The following OXR1 variants were observed in gnomAD, a reference collection of about 807,000 sequenced individuals.
The protein encoded by OXR1 is oxidation resistance 1.
Under a neutral mutation model 104.6 loss-of-function variants are expected in OXR1, and 41 were observed. That is an observed-to-expected ratio of 0.39 (90% CI 0.31 to 0.51). The LOEUF (loss-of-function observed/expected upper bound fraction) is 0.51, where lower values mean the gene tolerates loss of function less well. OXR1 is among the 20% of genes least tolerant of loss of function. OXR1 has a pLI of 0.77. For missense variants in OXR1, 955 were observed against 1,031.9 expected, an observed-to-expected ratio of 0.93 and a Z score of 1.02; for synonymous variants, 348 against 348.4, an observed-to-expected ratio of 1.00 and a Z score of 0.01.
chr8:106,323,115 C>T (rs1001591637), intron 1 of OXR1, among the ~76,000 whole-genome samples: 46 of 152,234 alleles, frequency 3.0e-4, no homozygotes, highest in African/African-American at 1.1e-3. Flanking sequence ...AAGCTGGAGG[C>T]ATCTTTACCA....
intron 3 of OXR1, among the ~76,000 whole-genome samples, chr8:106,570,448 G>A (rs1183489891): frequency 6.6e-5 from 10 of 152,134 alleles, no homozygotes; most frequent in African/African-American, 2.4e-4. Flanking sequence ...CTGAGTGATA[G>A]GGTGAAATTG....
At chr8:106,719,204 T>C (rs1390908088) in intron 11 of OXR1, among the ~76,000 whole-genome samples, 1 of 152,336 alleles carries the variant, frequency 6.6e-6, no homozygotes, top group Middle Eastern at 3.4e-3. Flanking sequence ...TGATACAGAT[T>C]TTTTATGCCT....
Position 106,667,124 on chromosome 8 carries a change from A to G in OXR1, c.221-12086A>G, listed in dbSNP as rs1400612513. On this transcript the variant is annotated intron_variant, in intron 3 of 16. Coordinates refer to ENST00000517566, the MANE Select transcript of OXR1 (RefSeq NM_001198533.2). ...GCAGCATTGATAGCAATGAGTCCCA[A>G]TGCAGGGTACACATTAGAATTCCCT... is the stretch of plus-strand genomic sequence containing the variant. Among the ~76,000 whole-genome samples, 4 of 152,340 alleles carry G rather than the reference A, an allele frequency of 2.6e-5. No homozygotes were observed. In the South Asian group the frequency reaches 6.2e-4, roughly 24 times the overall value.
intron 1 of OXR1, among the ~76,000 whole-genome samples, chr8:106,357,698 C>G (rs369823740): frequency 6.6e-6 from 1 of 151,626 alleles, no homozygotes; most frequent in Non-Finnish European, 1.5e-5. Context: ...TAATAGGGCA[C>G]GAGAAATATT....
chr8:106,740,585 AG>A, intron 14 of OXR1, 90 bp downstream of exon 14: 5 of 1,083,774 alleles, frequency 4.6e-6, no homozygotes, highest in Non-Finnish European at 6.8e-6. Context: ...TTACTTTATT[AG>A]TGCATTTTAT....
intron 11 of OXR1, among the ~76,000 whole-genome samples, chr8:106,718,563 G>A (rs1001908862): frequency 6.6e-6 from 1 of 152,114 alleles, no homozygotes; most frequent in Non-Finnish European, 1.5e-5. Context: ...GTGTGGGTCG[G>A]GCGTGGTGGC....
At chr8:106,360,170 A>T (rs983302372) in intron 2 of OXR1, among the ~76,000 whole-genome samples, 1 of 152,220 alleles carries the variant, frequency 6.6e-6, no homozygotes, top group African/African-American at 2.4e-5. Context: ...GTGCATGTTT[A>T]AAAGCTGTTT....
intron 2 of OXR1, among the ~76,000 whole-genome samples, chr8:106,373,680 C>T (rs1011475230): frequency 1.3e-5 from 2 of 152,186 alleles, no homozygotes; most frequent in Non-Finnish European, 2.9e-5. Context: ...ACCTCGACCT[C>T]CGAGGTTCAA....
chr8:106,314,390 AT>A (rs764686466), intron 1 of OXR1, among the ~76,000 whole-genome samples: 59 of 152,332 alleles, frequency 3.9e-4, no homozygotes, highest in Admixed American at 7.2e-4. Flanking sequence ...AATATTTGAT[AT>A]GTTAATTAGT....
At chr8:106,476,816 C>T (rs1446779248) in intron 2 of OXR1, among the ~76,000 whole-genome samples, 2 of 151,962 alleles carry the variant, frequency 1.3e-5, no homozygotes, top group African/African-American at 4.8e-5. Flanking sequence ...ATTCTTCACC[C>T]TCCTTTTCCT....
intron 2 of OXR1, among the ~76,000 whole-genome samples, chr8:106,369,212 T>G (rs564704752): frequency 1.2e-4 from 19 of 152,288 alleles, no homozygotes; most frequent in Non-Finnish European, 2.5e-4. Context: ...AGAAGTATCT[T>G]TTCATATTCT....
chr8:106,505,794 A>C (rs75477567), intron 2 of OXR1, among the ~76,000 whole-genome samples: 1 of 152,206 alleles, frequency 6.6e-6, no homozygotes, highest in African/African-American at 2.4e-5. Flanking sequence ...GCCCAAGACT[A>C]TCAGGGCACT....
intron 1 of OXR1, among the ~76,000 whole-genome samples, chr8:106,353,321 C>A (rs1172705401): frequency 6.6e-6 from 1 of 151,930 alleles, no homozygotes; most frequent in Non-Finnish European, 1.5e-5. Context: ...TGTACTCCAG[C>A]CTGGGCGACT....
At position 106,751,020 on chromosome 8, in the gene OXR1, A is replaced by G; in HGVS notation, c.*79A>G. ...CATTGTTTGGAAAGTTCAAGAAGCA[A>G]TACAGTGTAACATGTCACTTGTGCT... On this transcript the variant is annotated 3_prime_UTR_variant, in exon 17 of 17. Coordinates refer to ENST00000517566, the MANE Select transcript of OXR1 (RefSeq NM_001198533.2). The G allele has an allele frequency of 9.6e-7, 1 of 1,038,122 alleles. No homozygotes were observed. Among genetic ancestry groups the G allele is most frequent in the Non-Finnish European group, 1.4e-6 (1 of 703,128 alleles). 64.3% of individuals were successfully genotyped at this position (1,038,122 alleles called of 1,614,324 possible).
At chr8:106,569,198 T>C (rs1488737421) in intron 3 of OXR1, among the ~76,000 whole-genome samples, 1 of 152,078 alleles carries the variant, frequency 6.6e-6, no homozygotes, top group African/African-American at 2.4e-5. Flanking sequence ...TGTGTTTTGT[T>C]CCCCCATAAC....
chr8:106,394,876 C>A (rs185399392), intron 2 of OXR1, among the ~76,000 whole-genome samples: 1 of 151,996 alleles, frequency 6.6e-6, no homozygotes, highest in South Asian at 2.1e-4. Flanking sequence ...AACTGTGCAT[C>A]GTGAGTGTGA....
In OXR1 at chr8:106,487,278, C is replaced by CAG. The variant is rs1351349591; in HGVS notation, c.24-31665_24-31664insAG. ...ACCTCAGGTGATCTGCCCGCCTCGGCCTCCCAAAGTTCTGGGATTACAGAT... is the reference window on the plus strand; with the variant it reads ...ACCTCAGGTGATCTGCCCGCCTCGGCAGCTCCCAAAGTTCTGGGATTACAGAT... On this transcript the variant is annotated intron_variant, in intron 2 of 16. Coordinates refer to ENST00000517566, the MANE Select transcript of OXR1 (RefSeq NM_001198533.2). Among the ~76,000 whole-genome samples, 3 of 151,576 alleles carry CAG rather than the reference C, an allele frequency of 2.0e-5. No individual in the cohort carries two copies. In the East Asian group the frequency reaches 5.8e-4, roughly 29 times the overall value.
rs564517962 is a variant in OXR1, at chr8:106,374,936, T to C, written c.23+15300T>C. On this transcript the variant is annotated intron_variant, in intron 2 of 16. Coordinates refer to ENST00000517566, the MANE Select transcript of OXR1 (RefSeq NM_001198533.2). ...CTAGCCTCATAGACTCCCGCTGTAATTGAAAATTGGTTTTGCTCCAACAAT... is the reference window on the plus strand; with the variant it reads ...CTAGCCTCATAGACTCCCGCTGTAACTGAAAATTGGTTTTGCTCCAACAAT... Among the ~76,000 whole-genome samples the C allele has an allele frequency of 9.9e-4, 151 of 152,346 alleles. 1 individual carries two copies. Among genetic ancestry groups the C allele is most frequent in the African/African-American group, 3.5e-3 (145 of 41,592 alleles).
At chr8:106,593,276 C>T (rs141143385) in intron 3 of OXR1, among the ~76,000 whole-genome samples, 20 of 152,234 alleles carry the variant, frequency 1.3e-4, no homozygotes, top group Non-Finnish European at 1.8e-4. Flanking sequence ...CCCGACCCGC[C>T]GGAACTCTGC....
Sources: allele counts gnomAD v4.1 joint callset (sites outside exome capture counted in the v4.1 genomes callset), GRCh38; gene constraint gnomAD v4.1.1; transcripts MANE v1.5; gene names NCBI Gene and HGNC (gene_info 2026-07-23, HGNC 2026-07-21).